Variants in CRIM1 observed in about 807,000 individuals in gnomAD.
The protein encoded by CRIM1 is cysteine rich transmembrane BMP regulator 1.
Under a neutral mutation model 116.4 loss-of-function variants are expected in CRIM1, and 32 were observed. That is an observed-to-expected ratio of 0.27 (90% CI 0.21 to 0.37). The LOEUF is 0.37. Among genes scored for constraint, CRIM1 ranks in the 10% least tolerant of loss-of-function variants. CRIM1 has a pLI of 1.00. For synonymous variants in CRIM1, 590 were observed against 509.2 expected, an observed-to-expected ratio of 1.16 and a Z score of -2.13; for missense variants, 1,331 against 1,354.8, an observed-to-expected ratio of 0.98 and a Z score of 0.28.
At chr2:36,465,436 G>C (rs757627616) in intron 5 of CRIM1, among the ~76,000 whole-genome samples, 1 of 152,196 alleles carries the variant, frequency 6.6e-6, no homozygotes, top group Non-Finnish European at 1.5e-5. Flanking sequence ...GTCAATACTT[G>C]TATACACAGG....
intron 2 of CRIM1, among the ~76,000 whole-genome samples, chr2:36,440,995 C>T (rs918338493): frequency 1.3e-5 from 2 of 152,164 alleles, no homozygotes; most frequent in Admixed American, 6.5e-5. Context: ...TCATTTTGGT[C>T]ATTGCTCCAG....
intron 2 of CRIM1, among the ~76,000 whole-genome samples, chr2:36,407,318 T>A (rs888388133): frequency 6.6e-6 from 1 of 152,184 alleles, no homozygotes; most frequent in African/African-American, 2.4e-5. Flanking sequence ...AGTACATGTG[T>A]TTCATTTTAA....
At chr2:36,534,749 G>GA (rs143799818) in intron 13 of CRIM1, among the ~76,000 whole-genome samples, 12 of 144,718 alleles carry the variant, frequency 8.3e-5, no homozygotes, top group South Asian at 2.2e-4. Flanking sequence ...AGGAAGGAAA[G>GA]AAAAAAAAAA....
At position 36,442,622 on chromosome 2, in the gene CRIM1, C is replaced by T. The variant is rs746418232; in HGVS notation, c.756C>T (p.Gly252=). 13 of 1,614,044 alleles carry T rather than the reference C, an allele frequency of 8.1e-6. No homozygotes were observed. The highest frequency in any genetic ancestry group is 4.4e-5 in the South Asian group (4 of 91,076). The part of the protein sequence containing the change: ...CDLYECKPVF[G]VDCRTVECPP... ...TCTGTTTGCCCCTTTCAGTTTTCGG[C>T]GTGGACTGCAGGACTGTGGAATGCC... The change falls in exon 4 of 17, where the codon GGC becomes GGT. Residue 252 remains glycine, a synonymous_variant. Coordinates refer to ENST00000280527, the MANE Select transcript of CRIM1 (RefSeq NM_016441.3).
At position 36,457,295 on chromosome 2, in the gene CRIM1, C is replaced by T. The variant is rs143654575; in HGVS notation, c.870-7239C>T. 6.4e-3 allele frequency among the ~76,000 whole-genome samples: 972 copies of T among 152,250 alleles called. 2 individuals are homozygous for T. The highest frequency in any genetic ancestry group is 0.01 in the Non-Finnish European group (693 of 68,012). The stretch of plus-strand genomic sequence containing the variant: ...CAAACCTAATTGTCTTTAACTTATA[C>T]CTTCCCTACATGTGAGCATGTCCTT... On this transcript the variant is annotated intron_variant, in intron 4 of 16. Coordinates refer to ENST00000280527, the MANE Select transcript of CRIM1 (RefSeq NM_016441.3).
chr2:36,455,443 G>A (rs1371066362), intron 4 of CRIM1, among the ~76,000 whole-genome samples: 1 of 152,156 alleles, frequency 6.6e-6, no homozygotes, highest in African/African-American at 2.4e-5. Flanking sequence ...GGCTACAATT[G>A]AGGCTTAGAG....
intron 4 of CRIM1, among the ~76,000 whole-genome samples, chr2:36,461,494 G>A (rs1677577395): frequency 6.6e-6 from 1 of 152,170 alleles, no homozygotes; most frequent in African/African-American, 2.4e-5. Context: ...GGAAAATCTA[G>A]TCTCTTCTAG....
chr2:36,360,461 G>A (rs1001214494), intron 1 of CRIM1, among the ~76,000 whole-genome samples: 2 of 152,138 alleles, frequency 1.3e-5, no homozygotes, highest in Non-Finnish European at 2.9e-5. Flanking sequence ...CTTTCAGAAC[G>A]CAATCCTCCT....
chr2:36,356,640 C>G lies in CRIM1; in HGVS notation c.331+17C>G. Reference sequence around the variant, plus strand: ...TTTGCGAAGGTACGGCCGCCCGCTGCGGGCCCCCTCCCACCTGGCCTGCGC... The same window carrying G: ...TTTGCGAAGGTACGGCCGCCCGCTGGGGGCCCCCTCCCACCTGGCCTGCGC... On this transcript the variant is annotated intron_variant, in intron 1 of 16. Transcript: ENST00000280527. The surrounding 1 kb of genome is among the most constrained non-coding windows in gnomAD (Gnocchi z 4.3). 1 of 1,595,928 alleles carries G rather than the reference C, an allele frequency of 6.3e-7. No individual in the cohort carries two copies. The highest frequency in any genetic ancestry group is 8.5e-7 in the Non-Finnish European group (1 of 1,173,080).
At chr2:36,544,255 T>G (rs1273495687) in intron 14 of CRIM1, 121 bp from the exon 15 acceptor site, 1 of 852,388 alleles carries the variant, frequency 1.2e-6, no homozygotes, top group African/African-American at 1.8e-5. Context: ...TGGCAGAAAC[T>G]GCATCTTTCA....
At chr2:36,488,808 C>T (rs1680019612) in intron 7 of CRIM1, among the ~76,000 whole-genome samples, 1 of 152,166 alleles carries the variant, frequency 6.6e-6, no homozygotes, top group African/African-American at 2.4e-5. Context: ...GGCTCCAGCT[C>T]TTACTTTGCA....
intron 5 of CRIM1, among the ~76,000 whole-genome samples, chr2:36,471,118 A>T (rs771000746): frequency 6.6e-6 from 1 of 152,242 alleles, no homozygotes; most frequent in Non-Finnish European, 1.5e-5. Context: ...GGAAAGGATG[A>T]GGAGTTTCTT....
intron 8 of CRIM1, among the ~76,000 whole-genome samples, chr2:36,500,469 A>G (rs1680907137): frequency 6.6e-6 from 1 of 152,172 alleles, no homozygotes; most frequent in Non-Finnish European, 1.5e-5. Context: ...ACTTTTTTAC[A>G]TCACCTGCTG....
At chr2:36,368,448 A>G (rs1454493586) in intron 1 of CRIM1, among the ~76,000 whole-genome samples, 1 of 152,256 alleles carries the variant, frequency 6.6e-6, no homozygotes, top group Admixed American at 6.5e-5. Context: ...CAGCGGCAGG[A>G]CGTTGAGCAA....
At position 36,492,640 on chromosome 2, in the gene CRIM1, T is replaced by C. The variant is rs368768827; in HGVS notation, c.1373-6579T>C. On this transcript the variant is annotated intron_variant, in intron 7 of 16. Transcript: ENST00000280527. ...TTATGGGTCACATTTGAAAAGCATC[T>C]GTGTTAACAGCTTGACATATGAAAA... Among the ~76,000 whole-genome samples the C allele has an allele frequency of 3.3e-5, 5 of 152,212 alleles. No homozygotes were observed. The South Asian group carries it at 1.0e-3, about 32-fold the overall frequency.
At chr2:36,366,909 C>T (rs1293554639) in intron 1 of CRIM1, among the ~76,000 whole-genome samples, 3 of 152,286 alleles carry the variant, frequency 2.0e-5, no homozygotes, top group South Asian at 4.1e-4. Context: ...CACTTCAGGC[C>T]TTATGGTGTG....
intron 1 of CRIM1, among the ~76,000 whole-genome samples, chr2:36,363,927 C>T (rs1437792938): frequency 6.6e-6 from 1 of 152,154 alleles, no homozygotes; most frequent in African/African-American, 2.4e-5. Context: ...TTATCCATTC[C>T]TCTTGTTCTT....
At chr2:36,451,611 G>T (rs1276872744) in intron 4 of CRIM1, among the ~76,000 whole-genome samples, 1 of 152,150 alleles carries the variant, frequency 6.6e-6, no homozygotes, top group South Asian at 2.1e-4. Context: ...TTAGTGCTCT[G>T]TGTGCTCAAA....
intron 2 of CRIM1, among the ~76,000 whole-genome samples, chr2:36,435,939 A>C (rs1325003194): frequency 6.8e-6 from 1 of 148,066 alleles, no homozygotes; most frequent in African/African-American, 2.5e-5. Flanking sequence ...TTTTTTTTTT[A>C]ATGTCTGTTG....
Sources: gnomAD v4.1 joint callset for allele counts (sites outside exome capture counted in the v4.1 genomes callset) on GRCh38, gnomAD v4.1.1 for gene constraint, Gnocchi (gnomAD v3.1) non-coding constraint, MANE v1.5 for transcripts, NCBI Gene and HGNC (gene_info 2026-07-23, HGNC 2026-07-21) for gene names.